The following PIEZO1 variants were observed in gnomAD, a reference collection of about 807,000 sequenced individuals.
PIEZO1 encodes piezo-type mechanosensitive ion channel component 1.
Under a neutral mutation model 297.2 loss-of-function variants are expected in PIEZO1, and 296 were observed. That is an observed-to-expected ratio of 1.00 (90% confidence interval 0.91 to 1.10). PIEZO1 has a LOEUF of 1.10. Among genes scored for constraint, PIEZO1 ranks in the 50% least tolerant of loss-of-function variants. PIEZO1 has a pLI of 0.00. For synonymous variants in PIEZO1, 2,427 were observed against 1,507.5 expected (o/e 1.61, Z -14.13); for missense variants, 5,018 against 3,455.5 (o/e 1.45, Z -11.34).
At chr16:88,718,376 C>T (rs1043311419) in intron 44 of PIEZO1, 2 of 152,774 alleles carry the variant, frequency 1.3e-5, no homozygotes, top group African/African-American at 2.4e-5. Context: ...TGGCGTGCAG[C>T]CACAGGACCA....
At chr16:88,748,610 G>T (rs1209669036) in intron 2 of PIEZO1, among the ~76,000 whole-genome samples, 1 of 152,076 alleles carries the variant, frequency 6.6e-6, no homozygotes, top group East Asian at 1.9e-4. Flanking sequence ...GGCAGGAAAC[G>T]TGCCTGGAGC....
chr16:88,777,132 C>T (rs1323972385), intron 1 of PIEZO1, among the ~76,000 whole-genome samples: 7 of 152,338 alleles, frequency 4.6e-5, no homozygotes, highest in African/African-American at 1.7e-4. Flanking sequence ...GTCACCATAC[C>T]CAGCTAATTT....
intron 15 of PIEZO1, 52 bp downstream of exon 15, chr16:88,734,598 G>A: frequency 1.3e-6 from 2 of 1,548,052 alleles, no homozygotes; most frequent in South Asian, 2.4e-5. Flanking sequence ...CAGCCCCGGG[G>A]AAGTGCACGG....
chr16:88,724,207 G>A (rs1395871853), intron 30 of PIEZO1, among the ~76,000 whole-genome samples: 1 of 152,250 alleles, frequency 6.6e-6, no homozygotes, highest in African/African-American at 2.4e-5. Context: ...AGAGGACCGG[G>A]GAAAACCCAG....
chr16:88,727,411 C>A (rs1003995877), intron 23 of PIEZO1, 146 bp downstream of exon 23: 3 of 647,656 alleles, frequency 4.6e-6, no homozygotes, highest in African/African-American at 1.8e-5. Context: ...TGCGTGCGTG[C>A]GTGCGAGGTC....
intron 1 of PIEZO1, among the ~76,000 whole-genome samples, chr16:88,750,346 C>G (rs1906325183): frequency 6.6e-6 from 1 of 152,212 alleles, no homozygotes; most frequent in African/African-American, 2.4e-5. Context: ...AAAAAACAAT[C>G]AAACAAAAAA....
At chr16:88,748,969 G>A (rs1906218742) in intron 2 of PIEZO1, among the ~76,000 whole-genome samples, 1 of 146,724 alleles carries the variant, frequency 6.8e-6, no homozygotes, top group East Asian at 2.1e-4. Flanking sequence ...CGGGCGCGGT[G>A]GCTCACGTCT....
Position 88,733,651 on chromosome 16 carries a change from C to T in PIEZO1, c.2424G>A (p.Arg808=). 1 of 1,549,800 alleles carries T rather than the reference C, an allele frequency of 6.5e-7. No homozygotes were observed. Among genetic ancestry groups the T allele is most frequent in the East Asian group, 2.4e-5 (1 of 40,920 alleles). ...GCTTGAAAACGTGAAGCTCCAGCAGCCGCCGCAGGAACACCTGCACGCGTG... is the reference window on the plus strand; with the variant it reads ...GCTTGAAAACGTGAAGCTCCAGCAGTCGCCGCAGGAACACCTGCACGCGTG... ...VLSRVQVFLR[R]LLELHVFKLV... The change falls in exon 18 of 51, where the codon CGG becomes CGA. Residue 808 remains arginine (R), a synonymous_variant. Coordinates refer to ENST00000301015, the MANE Select transcript of PIEZO1 (RefSeq NM_001142864.4).
At position 88,715,495 on chromosome 16, in the gene PIEZO1, C is replaced by T. The variant is rs1597437939; in HGVS notation, c.*110G>A. On this transcript the variant is annotated 3_prime_UTR_variant, in exon 51 of 51. Transcript: ENST00000301015. ...GGCAGGCCGGGAGGATGCATCACAGCTGGCGGCCTTGGACGGGGCAGTGGC... is the reference window on the plus strand; with the variant it reads ...GGCAGGCCGGGAGGATGCATCACAGTTGGCGGCCTTGGACGGGGCAGTGGC... 8.5e-7 allele frequency: 1 copy of T among 1,170,376 alleles called. No homozygotes were observed. The highest frequency in any genetic ancestry group is 1.5e-5 in the African/African-American group (1 of 66,072). The allele number at this position is 1,170,376 out of a possible 1,614,324, so 72.5% of individuals were successfully genotyped here.
In PIEZO1 at chr16:88,733,268, G is replaced by A; in HGVS notation, c.2664+10C>T. 3 of 1,535,686 alleles carry A rather than the reference G, an allele frequency of 2.0e-6. No homozygotes were observed. The highest frequency in any genetic ancestry group is 2.5e-5 in the East Asian group (1 of 40,452). ...AGCTTCCTCCCGTCCCAGCCCTCGG[G>A]GGCCGGTACCTCGGTGCAGTTGCTG... On this transcript the variant is annotated intron_variant, in intron 19 of 50. Coordinates refer to ENST00000301015, the MANE Select transcript of PIEZO1 (RefSeq NM_001142864.4).
chr16:88,722,631 G>A lies in PIEZO1; in HGVS notation c.4727C>T (p.Thr1576Met), dbSNP rs1310690401. The A allele has an allele frequency of 7.8e-6, 12 of 1,538,278 alleles. No individual in the cohort carries two copies. Among genetic ancestry groups the A allele is most frequent in the African/African-American group, 2.7e-5 (2 of 72,982 alleles). ...GGGGGCCTCGGTGGGGCCTGGCAGC[G>A]TGGCCTCGGCCTGGCTTGTGTACAG... ...DQLYTSQAEA[T>M]LPGPTEAPNA... Residue 1576 changes from threonine to methionine, a missense_variant, in exon 35 of 51, where the codon ACG (threonine) becomes ATG (methionine). Coordinates refer to ENST00000301015, the MANE Select transcript of PIEZO1 (RefSeq NM_001142864.4).
chr16:88,716,037 CCA>C lies in PIEZO1; in HGVS notation c.7210_7211del (p.Trp2404GlyfsTer21). On this transcript the variant is annotated frameshift_variant, in exon 50 of 51. Coordinates refer to ENST00000301015, the MANE Select transcript of PIEZO1 (RefSeq NM_001142864.4). LOFTEE classifies it high-confidence loss of function. ...TCCGGCACTCCTGCAGCTCGATGACCCACCATTCGAGGAAGCCGGTGGCCCCC... is the reference window on the plus strand; with the variant it reads ...TCCGGCACTCCTGCAGCTCGATGACCCCATTCGAGGAAGCCGGTGGCCCCC... ...GAGATGFLEW[W>X]VIELQECRTD... 1 of 1,550,200 alleles carries C rather than the reference CCA, an allele frequency of 6.5e-7. No homozygotes were observed. Among genetic ancestry groups the C allele is most frequent in the Non-Finnish European group, 8.7e-7 (1 of 1,146,894 alleles).
chr16:88,749,400 G>C lies in PIEZO1; in HGVS notation c.144C>G (p.Thr48=), dbSNP rs1001237063. ...TGGCCTTACCTTGGAGGCCGCATCG[G>C]GTGGGGCCGGGGAACCAGGGCAGCA... ...LLLLPWFPGP[T]RCGLQGHTGR... Residue 48 remains threonine, a synonymous_variant, in exon 2 of 51, where the codon ACC becomes ACG. Coordinates refer to ENST00000301015, the MANE Select transcript of PIEZO1 (RefSeq NM_001142864.4). The C allele has an allele frequency of 2.0e-6, 3 of 1,515,748 alleles. No homozygotes were observed. The African/African-American group carries it at 4.2e-5, about 21-fold the overall frequency. 93.9% of individuals were successfully genotyped at this position (1,515,748 alleles called of 1,614,324 possible). A position where few individuals can be genotyped will look rare whatever the true frequency, so the allele number is the denominator to read the frequency against.
intron 22 of PIEZO1, among the ~76,000 whole-genome samples, chr16:88,730,477 A>G (rs1904726782): frequency 2.6e-5 from 4 of 151,854 alleles, no homozygotes; most frequent in African/African-American, 4.8e-5. Context: ...GCTTGCCTGT[A>G]ATCCTAGCCA....
At chr16:88,738,975 C>T in intron 5 of PIEZO1, 1 of 577,014 alleles carries the variant, frequency 1.7e-6, no homozygotes, top group Non-Finnish European at 3.1e-6. Context: ...AGCTCCCACC[C>T]TGGCCGAAGA....
intron 1 of PIEZO1, among the ~76,000 whole-genome samples, chr16:88,779,726 C>T (rs1051742473): frequency 4.6e-5 from 7 of 152,234 alleles, no homozygotes; most frequent in South Asian, 4.1e-4. Context: ...TCCCAAGGAG[C>T]CTCTGTGCTC....
In PIEZO1 at chr16:88,715,614, C is replaced by T. The variant is rs1208407292; in HGVS notation, c.7557G>A (p.Glu2519=). The change falls in exon 51 of 51, where the codon GAG becomes GAA. Residue 2519 remains glutamate, a synonymous_variant. Transcript: ENST00000301015. ...GCGCCAGCAGCAGCTCCTACTCCTT[C>T]TCACGAGTCCACTTGATCATGGTCT... ...SPETMIKWTR[E]KE 2.6e-6 allele frequency: 4 copies of T among 1,549,932 alleles called. No homozygotes were observed. Among genetic ancestry groups the T allele is most frequent in the Non-Finnish European group, 3.5e-6 (4 of 1,146,888 alleles).
At chr16:88,742,121 G>A (rs1234408094) in intron 3 of PIEZO1, 26 bp from the exon 4 acceptor site, 2 of 1,535,424 alleles carry the variant, frequency 1.3e-6, no homozygotes, top group Admixed American at 3.9e-5. Flanking sequence ...GGGGAACCCA[G>A]GTCAGGCTCT....
intron 10 of PIEZO1, 45 bp from the exon 11 acceptor site, chr16:88,736,784 G>T (rs1905249231): frequency 7.9e-7 from 1 of 1,260,616 alleles, no homozygotes; most frequent in Non-Finnish European, 1.1e-6. Flanking sequence ...TGATCTGCAG[G>T]CCTCCCCACC....
Sources: gnomAD v4.1 joint callset for allele counts (sites outside exome capture counted in the v4.1 genomes callset) on GRCh38, gnomAD v4.1.1 for gene constraint, MANE v1.5 for transcripts, NCBI Gene and HGNC (gene_info 2026-07-23, HGNC 2026-07-21) for gene names.